Variants in FSAF1 observed in about 807,000 individuals in gnomAD.
The protein encoded by FSAF1 is 40S small subunit processome assembly factor 1.
At chr1:231,232,269 C>T in the FSAF1 span, among the ~76,000 whole-genome samples, 1 of 152,162 alleles carries the variant, frequency 6.6e-6, no homozygotes, top group Non-Finnish European at 1.5e-5. Context: ...CTGGGTCCTC[C>T]ACTACTTCCA....
chr1:231,241,146 C>A, the FSAF1 span: 6 of 1,605,368 alleles, frequency 3.7e-6, no homozygotes, highest in Non-Finnish European at 5.1e-6. Context: ...CCTCATTCTG[C>A]CGCGCTGCAC....
chr1:231,234,804 A>G, the FSAF1 span, among the ~76,000 whole-genome samples: 1 of 152,108 alleles, frequency 6.6e-6, no homozygotes, highest in Non-Finnish European at 1.5e-5. The surrounding 1 kb of genome is among the most constrained non-coding windows in gnomAD (Gnocchi z 4.0). Context: ...GACTTCTTCC[A>G]GCTCCTTGAA....
chr1:231,232,658 A>G, the FSAF1 span, among the ~76,000 whole-genome samples: 146 of 152,166 alleles, frequency 9.6e-4, no homozygotes, highest in Non-Finnish European at 1.7e-3. Flanking sequence ...AGGGAGAGGG[A>G]TATGTATGGA....
chr1:231,238,962 T>G, the FSAF1 span: 1 of 1,614,218 alleles, frequency 6.2e-7, no homozygotes, highest in Non-Finnish European at 8.5e-7. Context: ...AGGGAGGAAC[T>G]GCAGCAGCAA....
At chr1:231,236,001 C>T in the FSAF1 span, among the ~76,000 whole-genome samples, 1 of 152,218 alleles carries the variant, frequency 6.6e-6, no homozygotes, top group Non-Finnish European at 1.5e-5. Context: ...CAAGCATTCT[C>T]TAAAAATGAC....
At chr1:231,230,520 T>G in the FSAF1 span, among the ~76,000 whole-genome samples, 10 of 152,326 alleles carry the variant, frequency 6.6e-5, no homozygotes, top group Non-Finnish European at 1.3e-4. Flanking sequence ...CTGCCCTACC[T>G]GCCAAGAGGT....
chr1:231,241,042 G>A, the FSAF1 span: 24 of 1,614,032 alleles, frequency 1.5e-5, no homozygotes, highest in East Asian at 5.1e-4. Context: ...TAAAGGTTCT[G>A]GAGCAGAGCG....
the FSAF1 span, among the ~76,000 whole-genome samples, chr1:231,231,458 C>T: frequency 2.0e-5 from 3 of 152,170 alleles, no homozygotes; most frequent in African/African-American, 4.8e-5. Flanking sequence ...CCCTCCTACC[C>T]GCTCCACTGA....
chr1:231,241,123 C>T, the FSAF1 span: 5 of 1,612,588 alleles, frequency 3.1e-6, no homozygotes, highest in African/African-American at 1.3e-5. Flanking sequence ...GTGGGGTCAG[C>T]CGAGGAATCA....
At chr1:231,231,246 T>C in the FSAF1 span, among the ~76,000 whole-genome samples, 1 of 152,230 alleles carries the variant, frequency 6.6e-6, no homozygotes, top group Non-Finnish European at 1.5e-5. Context: ...AAGAGTCTTA[T>C]TCCTATTCTA....
chr1:231,228,770 T>C, the FSAF1 span, among the ~76,000 whole-genome samples: 1 of 152,170 alleles, frequency 6.6e-6, no homozygotes, highest in Non-Finnish European at 1.5e-5. Context: ...GTGGATAACC[T>C]GAGGTCAGTA....
At chr1:231,224,983 T>C in the FSAF1 span, 1 of 168,688 alleles carries the variant, frequency 5.9e-6, no homozygotes, top group East Asian at 1.6e-4. Flanking sequence ...ACAAGTGCAC[T>C]AGGAGCCCAA....
the FSAF1 span, chr1:231,237,400 T>C: frequency 6.6e-6 from 1 of 152,214 alleles, no homozygotes; most frequent in Non-Finnish European, 1.5e-5. Flanking sequence ...TCAGAACCTG[T>C]GAATGTGATC....
chr1:231,239,918 T>G, the FSAF1 span, among the ~76,000 whole-genome samples: 1 of 152,234 alleles, frequency 6.6e-6, no homozygotes, highest in Non-Finnish European at 1.5e-5. Context: ...CCAGCCTGTG[T>G]TGACATGAAC....
chr1:231,224,506 G>A, the FSAF1 span: 5 of 1,346,002 alleles, frequency 3.7e-6, no homozygotes, highest in Non-Finnish European at 5.0e-6. Flanking sequence ...AGTCTGGCCT[G>A]CAAACTCCTG....
At chr1:231,239,158 T>G in the FSAF1 span, 1 of 1,585,276 alleles carries the variant, frequency 6.3e-7, no homozygotes, top group African/African-American at 1.4e-5. Context: ...CTTTATGATC[T>G]TCTTCTGTTC....
chr1:231,233,619 C>T, the FSAF1 span, among the ~76,000 whole-genome samples: 18 of 152,082 alleles, frequency 1.2e-4, no homozygotes, highest in Non-Finnish European at 2.2e-4. Flanking sequence ...GTGGCACAAT[C>T]TCGACTCACT....
the FSAF1 span, chr1:231,227,093 C>A: frequency 6.2e-7 from 1 of 1,610,310 alleles, no homozygotes; most frequent in Non-Finnish European, 8.5e-7. Context: ...CATAATCAGA[C>A]GCAAGTGCAT....
chr1:231,239,091 T>C, the FSAF1 span: 7 of 1,614,080 alleles, frequency 4.3e-6, no homozygotes, highest in Non-Finnish European at 5.1e-6. Context: ...GTAGGGGAGA[T>C]GGCTCTGCTG....
Sources: gnomAD v4.1 joint callset for allele counts (sites outside exome capture counted in the v4.1 genomes callset) on GRCh38, gnomAD v4.1.1 for gene constraint, Gnocchi (gnomAD v3.1) non-coding constraint, MANE v1.5 for transcripts, NCBI Gene and HGNC (gene_info 2026-07-23, HGNC 2026-07-21) for gene names.